ZFHX3: variants seen among roughly 807,000 people sequenced by gnomAD.
The protein encoded by ZFHX3 is zinc finger homeobox 3, also known as zinc finger homeobox protein 3.
ZFHX3 carries 42 observed loss-of-function variants against 279.1 expected under a neutral mutation model. That is an observed-to-expected ratio of 0.15 (90% CI 0.12 to 0.19). ZFHX3 has a LOEUF of 0.19. Among genes scored for constraint, ZFHX3 ranks in the 10% least tolerant of loss-of-function variants. The pLI is 1.00. For synonymous variants in ZFHX3, 2,293 were observed against 1,957.8 expected (o/e 1.17, Z -4.52); for missense variants, 4,981 against 4,754.0 (o/e 1.05, Z -1.40).
chr16:72,829,683 C>A, intron 5 of ZFHX3, 96 bp downstream of exon 5: 1 of 1,414,514 alleles, frequency 7.1e-7, no homozygotes, highest in East Asian at 2.3e-5. Flanking sequence ...TATCCGCTCC[C>A]TGACTTGTTA....
At chr16:73,699,911 T>C (rs1024949286) in intron 1 of ZFHX3, among the ~76,000 whole-genome samples, 1 of 152,142 alleles carries the variant, frequency 6.6e-6, no homozygotes, top group East Asian at 1.9e-4. Flanking sequence ...TATTGTTACA[T>C]GGCATATACT....
Position 73,745,544 on chromosome 16 carries a change from C to T in ZFHX3, c.-1607-65304G>A, listed in dbSNP as rs1161876694. 2.6e-5 allele frequency among the ~76,000 whole-genome samples: 4 copies of T among 152,152 alleles called. No homozygotes were observed. In the East Asian group the frequency reaches 7.7e-4, roughly 29 times the overall value. ...AGTGCAGTAGACTATGAAAATCTCC[C>T]TTGAAGGCATTAAAATTCAACTTTA... On this transcript the variant is annotated intron_variant, in intron 1 of 17. Coordinates refer to the ZFHX3 transcript ENST00000641206.
chr16:73,443,235 A>C (rs952470043), intron 3 of ZFHX3, among the ~76,000 whole-genome samples: 34 of 152,210 alleles, frequency 2.2e-4, no homozygotes, highest in African/African-American at 8.2e-4. Context: ...CATGGGGAGC[A>C]GCCCAAATGT....
rs949255097 is a variant in ZFHX3 at position 72,857,805 on chromosome 16, G to A, written c.3449-27946C>T. On this transcript the variant is annotated intron_variant, in intron 4 of 9. Transcript: ENST00000268489. ...GCTGCAGCCCTGCTAGGTTTGCAAA[G>A]AAATGGGAAATTTAAGGATAACTCT... Among the ~76,000 whole-genome samples the A allele has an allele frequency of 2.0e-5, 3 of 152,214 alleles. No homozygotes were observed. The East Asian group carries it at 5.8e-4, about 29-fold the overall frequency.
intron 7 of ZFHX3, chr16:72,808,084 CG>C (rs2036324857): frequency 6.6e-6 from 1 of 152,138 alleles, no homozygotes; most frequent in Non-Finnish European, 1.5e-5. Context: ...AATACTTTCC[CG>C]GGGCCAATCT....
At position 72,800,001 on chromosome 16, in the gene ZFHX3, T is replaced by C. The variant is rs1462331557; in HGVS notation, c.3967+26A>G. 9 of 1,603,310 alleles carry C rather than the reference T, an allele frequency of 5.6e-6. No homozygotes were observed. In the East Asian group the frequency reaches 1.8e-4, roughly 32 times the overall value. ...TGGCATTCCATCTTGTTTCAATTTC[T>C]TGGGGTCAAGAATAATGATACTGAC... is the stretch of plus-strand genomic sequence containing the variant. On this transcript the variant is annotated intron_variant, in intron 8 of 9. Transcript: ENST00000268489.
At chr16:72,914,363 A>C (rs763598334) in intron 3 of ZFHX3, among the ~76,000 whole-genome samples, 14 of 152,236 alleles carry the variant, frequency 9.2e-5, no homozygotes, top group Non-Finnish European at 1.6e-4. Context: ...GAAGAAGCTC[A>C]GAACCCACAG....
chr16:72,942,507 CGTAAA>C (rs1219416671), intron 3 of ZFHX3, among the ~76,000 whole-genome samples: 1 of 151,986 alleles, frequency 6.6e-6, no homozygotes, highest in Admixed American at 6.6e-5. Context: ...CGGGGGGATT[CGTAAA>C]TATTTTGACA....
At chr16:73,338,350 C>A (rs577616047) in intron 3 of ZFHX3, among the ~76,000 whole-genome samples, 29 of 152,268 alleles carry the variant, frequency 1.9e-4, no homozygotes, top group Admixed American at 3.9e-4. Flanking sequence ...CAGAGCTTCC[C>A]CAACCGGGAG....
chr16:73,280,862 G>C (rs2143060738), intron 4 of ZFHX3, among the ~76,000 whole-genome samples: 1 of 152,088 alleles, frequency 6.6e-6, no homozygotes, highest in East Asian at 1.9e-4. Context: ...GTGCATGCCT[G>C]TCATCCCAGC....
chr16:72,957,652 T>C lies in ZFHX3; in HGVS notation c.2494A>G (p.Met832Val), dbSNP rs746401439. The change falls in exon 2 of 10, where the codon ATG (methionine) becomes GTG (valine). Residue 832 changes from methionine (M) to valine (V), a missense_variant. Met to Val is a conservative substitution (Grantham distance 21, BLOSUM62 1). This residue lies in a region of ZFHX3 where 1,751 missense variants were observed against 1,770.0 expected (regional missense o/e 0.99). Transcript: ENST00000268489. ...GTCATGTTCTGTTGCAGTAACATCA[T>C]GTTATGCATGTGCTTCTCACTGGTC... ...HMTSEKHMHN[M>V]MLLQQNMTQI... 5.0e-6 allele frequency: 8 copies of C among 1,614,152 alleles called. No homozygotes were observed. Among genetic ancestry groups the C allele is most frequent in the Admixed American group, 3.3e-5 (2 of 60,030 alleles).
intron 3 of ZFHX3, among the ~76,000 whole-genome samples, chr16:73,327,817 G>A (rs2015723185): frequency 1.3e-5 from 2 of 152,192 alleles, no homozygotes; most frequent in Admixed American, 6.5e-5. Context: ...GTGCACCGTA[G>A]ACAGTTTTGT....
rs1567508794 is a variant in ZFHX3, at chr16:72,788,553, C to G, written c.9723G>C (p.Lys3241Asn). 6.2e-7 allele frequency: 1 copy of G among 1,614,126 alleles called. No homozygotes were observed. The highest frequency in any genetic ancestry group is 8.5e-7 in the Non-Finnish European group (1 of 1,180,008). ...TCCCTTTGTGTGCCTTTTCCTTCTC[C>G]TTTACTTTCTCACTGTCTTTGTCCT... ...QRKDKDSEKV[K>N]EKEKAHKGKG... The change falls in exon 10 of 10, where the codon AAG becomes AAC. Residue 3241 changes from lysine (K) to asparagine (N), a missense_variant. Transcript: ENST00000268489.
At chr16:73,011,214 C>G (rs1963904382) in intron 1 of ZFHX3, among the ~76,000 whole-genome samples, 1 of 152,084 alleles carries the variant, frequency 6.6e-6, no homozygotes, top group African/African-American at 2.4e-5. Flanking sequence ...AACTCCTGAC[C>G]TCAGGTCGAT....
chr16:73,516,574 T>A (rs571412875), intron 2 of ZFHX3, among the ~76,000 whole-genome samples: 67 of 152,294 alleles, frequency 4.4e-4, no homozygotes, highest in African/African-American at 1.5e-3. Flanking sequence ...CTCAGCCCCT[T>A]CTCTGGAATA....
chr16:73,637,216 A>ATTTT (rs1179577622), intron 2 of ZFHX3, among the ~76,000 whole-genome samples: 1 of 137,958 alleles, frequency 7.2e-6, no homozygotes, highest in Non-Finnish European at 1.6e-5. Context: ...TTAAAACCAT[A>ATTTT]TTTTTTTTTT....
chr16:72,891,835 G>A (rs532303123), intron 3 of ZFHX3, among the ~76,000 whole-genome samples: 1 of 152,330 alleles, frequency 6.6e-6, no homozygotes, highest in South Asian at 2.1e-4. Context: ...AGCCATGGCA[G>A]GCACACAACA....
rs575736322 is a variant in ZFHX3, at chr16:73,430,754, T to C, written c.-1291+25249A>G. Among the ~76,000 whole-genome samples the C allele has an allele frequency of 3.3e-5, 5 of 152,280 alleles. No individual in the cohort carries two copies. In the East Asian group the frequency reaches 7.7e-4, roughly 24 times the overall value. Reference sequence around the variant, plus strand: ...GGTGACACATACACACTTAGGACAATGTCTGGCATGAAGTAAGTGGCCAGT... The same window carrying C: ...GGTGACACATACACACTTAGGACAACGTCTGGCATGAAGTAAGTGGCCAGT... On this transcript the variant is annotated intron_variant, in intron 3 of 17. Coordinates refer to the ZFHX3 transcript ENST00000641206.
Position 72,798,215 on chromosome 16 carries a change from A to T in ZFHX3, c.4467T>A (p.Val1489=). The change falls in exon 9 of 10, where the codon GTT becomes GTA. Residue 1489 remains valine, a synonymous_variant. Transcript: ENST00000268489. ...CACTCTCTTCCTCCTTGTCTTCCTC[A>T]ACAATTATGGTATGGTCCTCTGCCA... ...PTLAEDHTII[V]EEDKEEESDL... 6.2e-7 allele frequency: 1 copy of T among 1,614,130 alleles called. No homozygotes were observed. Among genetic ancestry groups the T allele is most frequent in the South Asian group, 1.1e-5 (1 of 91,078 alleles).
Sources: gnomAD v4.1 joint callset for allele counts (sites outside exome capture counted in the v4.1 genomes callset) on GRCh38, gnomAD v4.1.1 for gene constraint, gnomAD v4.1.1 regional missense constraint, MANE v1.5 for transcripts, NCBI Gene and HGNC (gene_info 2026-07-23, HGNC 2026-07-21) for gene names.